ADAP2: variants seen among roughly 807,000 people sequenced by gnomAD.
The protein encoded by ADAP2 is arf-GAP with dual PH domain-containing protein 2.
In ADAP2, 42 loss-of-function variants were observed where a neutral mutation model predicts 54.9. That is an observed-to-expected ratio of 0.77 (90% CI 0.60 to 0.99). The LOEUF is 0.99. Among genes scored for constraint, ADAP2 ranks in the 50% least tolerant of loss-of-function variants. The probability of loss-of-function intolerance (pLI) is 0.00; values close to 1 mark genes in which losing one functional copy is unlikely to be tolerated. For synonymous variants in ADAP2, 177 were observed against 180.1 expected (o/e 0.98, Z 0.14); for missense variants, 429 against 480.4 (o/e 0.89, Z 1.00).
At chr17:30,922,142 C>G in intron 1 of ADAP2, 34 bp downstream of exon 1, 4 of 1,215,568 alleles carry the variant, frequency 3.3e-6, no homozygotes, top group Non-Finnish European at 3.1e-6. Flanking sequence ...GCGCGAGACC[C>G]CCGGCCGGAC....
chr17:30,936,012 A>G (rs1911844375), intron 5 of ADAP2, among the ~76,000 whole-genome samples: 1 of 152,120 alleles, frequency 6.6e-6, no homozygotes. Flanking sequence ...TATCACCACA[A>G]TTCAGTTAAA....
rs2285982 is a variant in ADAP2 at position 30,934,379 on chromosome 17, C to T, written c.510+82C>T. 358 of 920,396 alleles carry T rather than the reference C, an allele frequency of 3.9e-4. 2 individuals are homozygous for T. In the East Asian group the frequency reaches 8.9e-3, roughly 23 times the overall value. The allele number at this position is 920,396 out of a possible 1,614,324, so 57.0% of individuals were successfully genotyped here. On this transcript the variant is annotated intron_variant, in intron 5 of 10. Transcript: ENST00000330889. ...GGTCTACATTCTAATCAGTGGTGCC[C>T]TTTTCTTGTAGATAATCTCAGCCCC...
At position 30,925,183 on chromosome 17, in the gene ADAP2, A is replaced by ATTT. The variant is rs57259969; in HGVS notation, c.226-1626_226-1624dup. ...ACAGGCGTGAGCCACCGTGCCCAGC[A>ATTT]TTTTTTTTTTTTTTTTTTTTGAGAT... On this transcript the variant is annotated intron_variant, in intron 2 of 10. Coordinates refer to ENST00000330889, the MANE Select transcript of ADAP2 (RefSeq NM_018404.3). Among the ~76,000 whole-genome samples the ATTT allele has an allele frequency of 2.3e-3, 230 of 98,118 alleles. 4 individuals carry two copies. The highest frequency in any genetic ancestry group is 8.3e-3 in the East Asian group (28 of 3,362). 64.4% of individuals were successfully genotyped at this position (98,118 alleles called of 152,430 possible). A position where few individuals can be genotyped will look rare whatever the true frequency, so the allele number is the denominator to read the frequency against.
At chr17:30,933,213 G>A (rs771624341) in intron 4 of ADAP2, among the ~76,000 whole-genome samples, 12 of 152,078 alleles carry the variant, frequency 7.9e-5, no homozygotes, top group Non-Finnish European at 1.5e-4. Context: ...ATTGAGTCAG[G>A]GTCTCACTCT....
At chr17:30,928,187 T>A in intron 3 of ADAP2, among the ~76,000 whole-genome samples, 1 of 104,700 alleles carries the variant, frequency 9.6e-6, no homozygotes, top group African/African-American at 3.9e-5. Context: ...AAGGAGACTG[T>A]CTCAAAAAAA....
chr17:30,941,131 T>TGCAATGGCATTGGTAC (rs1323113682), intron 5 of ADAP2, among the ~76,000 whole-genome samples: 7 of 152,240 alleles, frequency 4.6e-5, no homozygotes, highest in African/African-American at 1.7e-4. Context: ...CTGATCTGGG[T>TGCAATGGCATTGGTAC]GCAATGGCAT....
chr17:30,936,420 C>T (rs564578573), intron 5 of ADAP2, among the ~76,000 whole-genome samples: 1 of 152,208 alleles, frequency 6.6e-6, no homozygotes, highest in Non-Finnish European at 1.5e-5. Flanking sequence ...GCCTCAGCCT[C>T]CCAAAGTACT....
chr17:30,932,700 C>G (rs937158642), intron 4 of ADAP2, among the ~76,000 whole-genome samples: 2 of 151,646 alleles, frequency 1.3e-5, no homozygotes, highest in African/African-American at 4.8e-5. Context: ...GCCTCAGCCT[C>G]CTGAGTAGCT....
At chr17:30,945,164 A>AT in intron 6 of ADAP2, 111 bp downstream of exon 6, 1 of 1,272,844 alleles carries the variant, frequency 7.9e-7, no homozygotes, top group Non-Finnish European at 1.1e-6. Flanking sequence ...GCCTCTTGAG[A>AT]TTTTCTGCTA....
chr17:30,934,682 C>T (rs1911745413), intron 5 of ADAP2, among the ~76,000 whole-genome samples: 1 of 152,150 alleles, frequency 6.6e-6, no homozygotes, highest in African/African-American at 2.4e-5. Flanking sequence ...AAGGAAAGAG[C>T]TCCGTAATCA....
In ADAP2 at chr17:30,943,488, A is replaced by G. The variant is rs1465331870; in HGVS notation, c.511-1419A>G. Among the ~76,000 whole-genome samples the G allele has an allele frequency of 2.6e-5, 4 of 152,344 alleles. No homozygotes were observed. The East Asian group carries it at 5.8e-4, about 22-fold the overall frequency. On this transcript the variant is annotated intron_variant, in intron 5 of 10. Coordinates refer to ENST00000330889, the MANE Select transcript of ADAP2 (RefSeq NM_018404.3). ...AAACATGGAATCGGCCCAGATGCCC[A>G]TCAATGGTGGACTGGATAATGGAAA...
chr17:30,949,278 T>C lies in ADAP2; in HGVS notation c.658-9T>C, dbSNP rs373389287. ...GCTGTGTGTGTGTCCTGTGCACTTC[T>C]CTCCGCAGGAGATAGTGGACTGGTT... On this transcript the variant is annotated splice_polypyrimidine_tract_variant and intron_variant, in intron 6 of 10. Transcript: ENST00000330889. 1.6e-5 allele frequency: 26 copies of C among 1,612,918 alleles called. No homozygotes were observed. The highest frequency in any genetic ancestry group is 2.0e-5 in the Non-Finnish European group (24 of 1,179,110).
At chr17:30,943,872 TAAATAAATAAATAAATAA>T (rs1912455190) in intron 5 of ADAP2, among the ~76,000 whole-genome samples, 1 of 145,350 alleles carries the variant, frequency 6.9e-6, no homozygotes, top group African/African-American at 2.6e-5. Flanking sequence ...AATAAATAAA[TAAATAAATAAATAAATAA>T]ATAAATAAGA....
chr17:30,944,400 G>T (rs997815077), intron 5 of ADAP2, among the ~76,000 whole-genome samples: 9 of 152,024 alleles, frequency 5.9e-5, no homozygotes, highest in Non-Finnish European at 1.3e-4. Context: ...ACTTTGGTAG[G>T]CCAAGGCAGG....
At chr17:30,932,254 A>G (rs577677570) in intron 4 of ADAP2, among the ~76,000 whole-genome samples, 18 of 129,886 alleles carry the variant, frequency 1.4e-4, no homozygotes, top group African/African-American at 5.4e-4. Flanking sequence ...TTTTTTTGAG[A>G]CAGGGTCTTA....
At chr17:30,931,065 C>A (rs534865715) in intron 3 of ADAP2, among the ~76,000 whole-genome samples, 1 of 152,132 alleles carries the variant, frequency 6.6e-6, no homozygotes, top group Admixed American at 6.6e-5. Flanking sequence ...GATCCTAAGA[C>A]GACTGCTTTG....
Position 30,922,043 on chromosome 17 carries a change from G to C in ADAP2, c.29G>C (p.Arg10Pro). MGDRERNKK[R>P]LLELLRAPDT... is the part of the protein sequence containing the mutation. ...GGCGATCGCGAGCGCAACAAGAAGC[G>C]GCTGCTGGAGCTGCTGCGGGCGCCG... Residue 10 changes from arginine to proline, a missense_variant, in exon 1 of 11, where the codon CGG becomes CCG. Arg to Pro is a moderately radical substitution (Grantham distance 103, BLOSUM62 -2). Coordinates refer to ENST00000330889, the MANE Select transcript of ADAP2 (RefSeq NM_018404.3). 7.8e-7 allele frequency: 1 copy of C among 1,275,580 alleles called. No individual in the cohort carries two copies. The allele number at this position is 1,275,580 out of a possible 1,614,324, so 79.0% of individuals were successfully genotyped here.
intron 7 of ADAP2, among the ~76,000 whole-genome samples, chr17:30,952,925 C>A (rs1284658022): frequency 6.6e-6 from 1 of 152,094 alleles, no homozygotes; most frequent in Non-Finnish European, 1.5e-5. Flanking sequence ...GTGATACCCA[C>A]CTCGCAGGGT....
chr17:30,922,507 C>T (rs1204790197), intron 1 of ADAP2, among the ~76,000 whole-genome samples: 6 of 152,190 alleles, frequency 3.9e-5, no homozygotes, highest in Non-Finnish European at 8.8e-5. Flanking sequence ...TCAGACATCC[C>T]AGCCAGGGCT....
Sources: allele counts gnomAD v4.1 joint callset (sites outside exome capture counted in the v4.1 genomes callset), GRCh38; gene constraint gnomAD v4.1.1; transcripts MANE v1.5; gene names NCBI Gene and HGNC (gene_info 2026-07-23, HGNC 2026-07-21).